ANO2: variants seen among roughly 807,000 people sequenced by gnomAD.
ANO2 encodes the protein anoctamin 2.
A neutral mutation model predicts 124.2 loss-of-function variants in ANO2; 101 were observed. That is an observed-to-expected ratio of 0.81 (90% CI 0.69 to 0.96). The LOEUF is 0.96. Among genes scored for constraint, ANO2 ranks in the 40% least tolerant of loss-of-function variants. The probability of loss-of-function intolerance (pLI) is 0.00; values close to 1 mark genes in which losing one functional copy is unlikely to be tolerated. For missense variants in ANO2, 1,293 were observed against 1,274.5 expected (o/e 1.01, Z -0.22); for synonymous variants, 486 against 482.5 (o/e 1.01, Z -0.09).
chr12:5,804,786 G>A (rs147969424), intron 9 of ANO2, among the ~76,000 whole-genome samples: 60 of 152,248 alleles, frequency 3.9e-4, no homozygotes, highest in African/African-American at 1.3e-3. Context: ...CATTAGTGCA[G>A]GTAACAGAAG....
At chr12:5,610,860 A>ACACACACAC (rs1565472315) in intron 19 of ANO2, among the ~76,000 whole-genome samples, 3 of 103,342 alleles carry the variant, frequency 2.9e-5, no homozygotes, top group Admixed American at 9.7e-5. Flanking sequence ...ACACACACAC[A>ACACACACAC]ACCCTAAGGG....
chr12:5,744,114 A>G, intron 12 of ANO2, 43 bp downstream of exon 12: 1 of 1,609,792 alleles, frequency 6.2e-7, no homozygotes. Context: ...GTGCCCATGT[A>G]AAGGAACCAC....
At chr12:5,791,506 G>A (rs371820353) in intron 10 of ANO2, among the ~76,000 whole-genome samples, 12 of 152,270 alleles carry the variant, frequency 7.9e-5, no homozygotes, top group African/African-American at 2.9e-4. Context: ...TGGGAGATGG[G>A]TAATTGAAGG....
Position 5,928,479 on chromosome 12 carries a change from A to ACCTT in ANO2, c.23-5676_23-5675insAAGG, listed in dbSNP as rs1404828813. On this transcript the variant is annotated intron_variant, in intron 1 of 24. Transcript: ENST00000682330. ...GTCTACTTTCCTTCGTCACTAGTCT[A>ACCTT]CTTTCCTTCCTCACTGGTCTACTTT... Among the ~76,000 whole-genome samples, 25 of 139,370 alleles carry ACCTT rather than the reference A, an allele frequency of 1.8e-4. 1 individual carries two copies. Among genetic ancestry groups the ACCTT allele is most frequent in the Admixed American group, 3.1e-4 (4 of 12,996 alleles). The allele number at this position is 139,370 out of a possible 152,430, so 91.4% of individuals were successfully genotyped here.
intron 24 of ANO2, 67 bp downstream of exon 24, chr12:5,565,491 A>G (rs1941691530): frequency 7.5e-7 from 1 of 1,336,234 alleles, no homozygotes. Flanking sequence ...GGTGCAAGCA[A>G]TGAGTGCAGT....
chr12:5,856,021 G>A (rs999629271), intron 3 of ANO2, among the ~76,000 whole-genome samples: 5 of 152,188 alleles, frequency 3.3e-5, no homozygotes, highest in African/African-American at 1.2e-4. Context: ...TTTATCTTTG[G>A]TTATGCAGGA....
At chr12:5,629,637 C>G (rs1009188809) in intron 16 of ANO2, among the ~76,000 whole-genome samples, 2 of 152,208 alleles carry the variant, frequency 1.3e-5, no homozygotes, top group African/African-American at 4.8e-5. Context: ...CTACAGCCAC[C>G]ACCTGTATCC....
chr12:5,644,204 G>A (rs1420031119), intron 15 of ANO2, among the ~76,000 whole-genome samples: 1 of 152,134 alleles, frequency 6.6e-6, no homozygotes, highest in Non-Finnish European at 1.5e-5. Flanking sequence ...TTTGAGTGGT[G>A]TGAACAAGGC....
At chr12:5,919,924 C>T (rs1941599774) in intron 3 of ANO2, among the ~76,000 whole-genome samples, 1 of 152,094 alleles carries the variant, frequency 6.6e-6, no homozygotes, top group Non-Finnish European at 1.5e-5. Flanking sequence ...ATCTCGATCT[C>T]CTGACCTTGT....
At chr12:5,593,821 A>G (rs1369616958) in intron 20 of ANO2, among the ~76,000 whole-genome samples, 1 of 152,208 alleles carries the variant, frequency 6.6e-6, no homozygotes, top group Non-Finnish European at 1.5e-5. Context: ...TCATGTAGCT[A>G]GCATGCAGCA....
chr12:5,572,976 C>A (rs1212076739), intron 23 of ANO2, among the ~76,000 whole-genome samples: 1 of 152,068 alleles, frequency 6.6e-6, no homozygotes, highest in Admixed American at 6.6e-5. Context: ...AAGGCAGATA[C>A]AAGAAAGCTC....
intron 3 of ANO2, among the ~76,000 whole-genome samples, chr12:5,875,886 C>T (rs1379551405): frequency 6.6e-6 from 1 of 151,790 alleles, no homozygotes; most frequent in Non-Finnish European, 1.5e-5. Flanking sequence ...AAAATCAGAG[C>T]TCATTCAGAG....
At chr12:5,943,291 G>A (rs1420702226) in intron 1 of ANO2, among the ~76,000 whole-genome samples, 1 of 151,682 alleles carries the variant, frequency 6.6e-6, no homozygotes, top group African/African-American at 2.4e-5. Context: ...GTGTGTGTGT[G>A]TGTGTGTGTG....
intron 22 of ANO2, among the ~76,000 whole-genome samples, chr12:5,576,617 C>T (rs1428297635): frequency 6.6e-6 from 1 of 152,264 alleles, no homozygotes; most frequent in African/African-American, 2.4e-5. Context: ...TGGAGCCACA[C>T]ACACCCAACA....
chr12:5,863,881 C>A (rs1403449269), intron 3 of ANO2, among the ~76,000 whole-genome samples: 1 of 151,970 alleles, frequency 6.6e-6, no homozygotes, highest in Non-Finnish European at 1.5e-5. Flanking sequence ...TATTCGTTAG[C>A]TTTTAATTAA....
rs116623294 is a variant in ANO2 at position 5,646,609 on chromosome 12, C to T, written c.1620+1118G>A. Among the ~76,000 whole-genome samples the T allele has an allele frequency of 3.2e-3, 488 of 152,150 alleles. 4 individuals are homozygous for T. The highest frequency in any genetic ancestry group is 0.011 in the African/African-American group (454 of 41,518). On this transcript the variant is annotated intron_variant, in intron 15 of 24. Coordinates refer to ENST00000682330, the MANE Select transcript of ANO2 (RefSeq NM_001364791.2). Reference sequence around the variant, plus strand: ...CTCTTTAACAATAATATGCATATTGCGGGGGGCTTTGAAGTGCTAAATTAA... The same window carrying T: ...CTCTTTAACAATAATATGCATATTGTGGGGGGCTTTGAAGTGCTAAATTAA...
Position 5,799,513 on chromosome 12 carries a change from A to G in ANO2, c.1049T>C (p.Leu350Pro). 6.2e-7 allele frequency: 1 copy of G among 1,613,630 alleles called. No individual in the cohort carries two copies. The highest frequency in any genetic ancestry group is 8.5e-7 in the Non-Finnish European group (1 of 1,179,674). ...GVFYKFQPID[L>P]IRKYFGEKIG... ...GTTCCCTACCACCTCTTACCTGATG[A>G]GGTCAATAGGTTGGAACTTATAGAA... Residue 350 changes from leucine to proline, a missense_variant, in exon 10 of 25, where the codon CTC becomes CCC. Transcript: ENST00000682330.
chr12:5,564,205 C>T (rs1178590622), intron 24 of ANO2, among the ~76,000 whole-genome samples: 5 of 152,238 alleles, frequency 3.3e-5, no homozygotes, highest in East Asian at 3.8e-4. Flanking sequence ...CCCCTGCATC[C>T]AGCTTGCCCC....
chr12:5,926,906 G>A (rs1003595824), intron 1 of ANO2, among the ~76,000 whole-genome samples: 1 of 152,186 alleles, frequency 6.6e-6, no homozygotes, highest in Non-Finnish European at 1.5e-5. Context: ...GGGAGAAGGT[G>A]TCATTATTAT....
Sources: allele counts gnomAD v4.1 joint callset (sites outside exome capture counted in the v4.1 genomes callset), GRCh38; gene constraint gnomAD v4.1.1; transcripts MANE v1.5; gene names NCBI Gene and HGNC (gene_info 2026-07-23, HGNC 2026-07-21).